Variants in NECAB1 observed in about 807,000 individuals in gnomAD.
NECAB1 encodes the protein N-terminal EF-hand calcium-binding protein 1.
A neutral mutation model predicts 57.5 loss-of-function variants in NECAB1; 29 were observed. The ratio of observed to expected loss-of-function variants is 0.50; its 90% CI spans 0.38 to 0.69. The LOEUF (loss-of-function observed/expected upper bound fraction) is 0.69, where lower values mean the gene tolerates loss of function less well. Ranked by LOEUF, NECAB1 falls within the 30% of genes least tolerant of loss-of-function variation. NECAB1 has a pLI of 0.00. For synonymous variants in NECAB1, 142 were observed against 147.7 expected (o/e 0.96, Z 0.28); for missense variants, 372 against 413.8 (o/e 0.90, Z 0.88).
At chr8:90,886,366 A>T (rs945741145) in intron 5 of NECAB1, among the ~76,000 whole-genome samples, 37 of 152,080 alleles carry the variant, frequency 2.4e-4, no homozygotes, top group African/African-American at 8.9e-4. Flanking sequence ...TCTGCTAAAT[A>T]CTTATAATGT....
chr8:90,916,861 GTGT>G (rs1331669040), intron 5 of NECAB1, among the ~76,000 whole-genome samples: 4 of 152,130 alleles, frequency 2.6e-5, no homozygotes, highest in African/African-American at 9.7e-5. Flanking sequence ...TGTGGCTCAG[GTGT>G]TGTCCTAGAA....
At chr8:90,874,743 A>G (rs1808683375) in intron 4 of NECAB1, among the ~76,000 whole-genome samples, 1 of 152,160 alleles carries the variant, frequency 6.6e-6, no homozygotes, top group Admixed American at 6.5e-5. Flanking sequence ...CCAACCTTCC[A>G]TGGGAAAAAC....
At chr8:90,876,266 T>C (rs1808724822) in intron 4 of NECAB1, among the ~76,000 whole-genome samples, 1 of 152,102 alleles carries the variant, frequency 6.6e-6, no homozygotes, top group South Asian at 2.1e-4. Context: ...ATGTCACTGA[T>C]GATTGAGATG....
chr8:90,893,434 G>A (rs935707262), intron 5 of NECAB1, among the ~76,000 whole-genome samples: 4 of 152,190 alleles, frequency 2.6e-5, no homozygotes, highest in African/African-American at 4.8e-5. Flanking sequence ...GGGGAGCTGC[G>A]GATGTGATGA....
intron 4 of NECAB1, among the ~76,000 whole-genome samples, chr8:90,878,041 T>TA (rs1431316917): frequency 1.4e-5 from 2 of 144,672 alleles, no homozygotes; most frequent in Non-Finnish European, 3.0e-5. Context: ...ATTCTTTTTC[T>TA]TTTTTTTTTT....
At chr8:90,952,416 A>G (rs571188320) in intron 12 of NECAB1, among the ~76,000 whole-genome samples, 23 of 152,266 alleles carry the variant, frequency 1.5e-4, no homozygotes, top group Non-Finnish European at 2.4e-4. Context: ...CAAGGAAACC[A>G]AAAGAGTAAA....
intron 3 of NECAB1, among the ~76,000 whole-genome samples, chr8:90,858,213 T>C (rs1416423990): frequency 6.6e-6 from 1 of 152,192 alleles, no homozygotes; most frequent in Non-Finnish European, 1.5e-5. Flanking sequence ...ACTGAGAATG[T>C]GATAATAAAA....
intron 3 of NECAB1, among the ~76,000 whole-genome samples, chr8:90,863,131 G>A (rs538834186): frequency 3.3e-5 from 5 of 152,100 alleles, no homozygotes; most frequent in South Asian, 2.1e-4. Context: ...AAAAAAGAAC[G>A]TACTTTTCAC....
intron 3 of NECAB1, 180 bp downstream of exon 3, chr8:90,825,005 T>C (rs1812200106): frequency 2.7e-6 from 1 of 367,342 alleles, no homozygotes; most frequent in Non-Finnish European, 4.9e-6. Flanking sequence ...TGACTTTGAA[T>C]CAGAAAATAA....
chr8:90,873,129 G>A (rs1808649461), intron 4 of NECAB1, among the ~76,000 whole-genome samples: 1 of 152,160 alleles, frequency 6.6e-6, no homozygotes, highest in Non-Finnish European at 1.5e-5. Flanking sequence ...TGAACAAAAT[G>A]AGCATAATCT....
At chr8:90,816,431 C>G (rs73692705) in intron 2 of NECAB1, among the ~76,000 whole-genome samples, 21 of 151,744 alleles carry the variant, frequency 1.4e-4, no homozygotes. Flanking sequence ...ATCACGGTCA[C>G]TTAGATTTTC....
At chr8:90,828,407 G>A (rs1364659931) in intron 3 of NECAB1, among the ~76,000 whole-genome samples, 1 of 151,996 alleles carries the variant, frequency 6.6e-6, no homozygotes. Flanking sequence ...GTGTCTAGCA[G>A]TTGTAATCAC....
chr8:90,792,506 C>G (rs1023341740), intron 1 of NECAB1, among the ~76,000 whole-genome samples: 2 of 152,164 alleles, frequency 1.3e-5, no homozygotes, highest in Non-Finnish European at 2.9e-5. Flanking sequence ...TGGGAAATAT[C>G]ATTTTCATAA....
intron 5 of NECAB1, chr8:90,903,782 C>G (rs1809568079): frequency 6.6e-6 from 1 of 152,196 alleles, no homozygotes; most frequent in Admixed American, 6.5e-5. Context: ...AAAGACTTCT[C>G]AGAGGCCAAA....
chr8:90,800,024 T>G (rs1164057638), intron 1 of NECAB1, among the ~76,000 whole-genome samples: 1 of 152,162 alleles, frequency 6.6e-6, no homozygotes, highest in Non-Finnish European at 1.5e-5. Context: ...CTTTCACTTC[T>G]TTGGTTAAAT....
At chr8:90,874,623 T>C (rs1808681307) in intron 4 of NECAB1, among the ~76,000 whole-genome samples, 2 of 152,218 alleles carry the variant, frequency 1.3e-5, no homozygotes, top group African/African-American at 4.8e-5. Flanking sequence ...TACTATATGA[T>C]TAGTGCAGTT....
chr8:90,933,161 T>C (rs1435458673), intron 8 of NECAB1, among the ~76,000 whole-genome samples: 2 of 152,006 alleles, frequency 1.3e-5, no homozygotes, highest in East Asian at 1.9e-4. Context: ...CTATGGAAAA[T>C]AGTGTGGAGA....
chr8:90,936,716 T>G (rs1393623048), intron 9 of NECAB1, among the ~76,000 whole-genome samples: 3 of 152,164 alleles, frequency 2.0e-5, no homozygotes, highest in Admixed American at 2.0e-4. Flanking sequence ...GCAAAAGTCC[T>G]GAACCCTAGC....
At position 90,957,492 on chromosome 8, in the gene NECAB1, C is replaced by A. The variant is rs984181200; in HGVS notation, c.*1980C>A. On this transcript the variant is annotated 3_prime_UTR_variant, in exon 13 of 13. Coordinates refer to ENST00000417640, the MANE Select transcript of NECAB1 (RefSeq NM_022351.5). ...AACAAGAATTAGAATGACTTGAGAA[C>A]GGGCAAATAACAAAGCAAACCAATA... 1.3e-5 allele frequency: 2 copies of A among 151,572 alleles called. No homozygotes were observed. Among genetic ancestry groups the A allele is most frequent in the Non-Finnish European group, 1.5e-5 (1 of 67,750 alleles). 9.4% of individuals were successfully genotyped at this position (151,572 alleles called of 1,614,324 possible). A position where few individuals can be genotyped will look rare whatever the true frequency, so the allele number is the denominator to read the frequency against.
Sources: allele counts gnomAD v4.1 joint callset (sites outside exome capture counted in the v4.1 genomes callset), GRCh38; gene constraint gnomAD v4.1.1; transcripts MANE v1.5; gene names NCBI Gene and HGNC (gene_info 2026-07-23, HGNC 2026-07-21).